PNPT1: variants seen among roughly 807,000 people sequenced by gnomAD.
The protein encoded by PNPT1 is polyribonucleotide nucleotidyltransferase 1, mitochondrial.
In PNPT1, 53 loss-of-function variants were observed where a neutral mutation model predicts 119.5. The observed-to-expected ratio is 0.44, with a 90% confidence interval of 0.36 to 0.56. The LOEUF is 0.56. PNPT1 is among the 20% of genes least tolerant of loss of function. The pLI, the probability that PNPT1 is intolerant of heterozygous loss-of-function variation, is 0.00. For synonymous variants in PNPT1, 357 were observed against 322.1 expected, an observed-to-expected ratio of 1.11 and a Z score of -1.16; for missense variants, 948 against 938.5, an observed-to-expected ratio of 1.01 and a Z score of -0.13.
rs1200091368 is a variant in PNPT1, at chr2:55,636,222, C to CT, written c.*14dup. The CT allele has an allele frequency of 1.3e-6, 2 of 1,541,634 alleles. No individual in the cohort carries two copies. Among genetic ancestry groups the CT allele is most frequent in the East Asian group, 2.2e-5 (1 of 44,586 alleles). On this transcript the variant is annotated 3_prime_UTR_variant, in exon 28 of 28. Transcript: ENST00000447944. ...AGACAAAATAGAATTCTAGAATTCTCTTTAAAAAAAAAAATCACTGAGAAT... is the reference window on the plus strand; with the variant it reads ...AGACAAAATAGAATTCTAGAATTCTCTTTTAAAAAAAAAAATCACTGAGAAT...
chr2:55,654,086 G>A (rs1432672520), intron 18 of PNPT1, among the ~76,000 whole-genome samples: 6 of 152,066 alleles, frequency 3.9e-5, no homozygotes, highest in South Asian at 4.2e-4. Context: ...GTGAAACCCC[G>A]TCTCGACTAA....
chr2:55,669,823 G>A (rs1696851094), intron 11 of PNPT1, among the ~76,000 whole-genome samples: 1 of 149,668 alleles, frequency 6.7e-6, no homozygotes, highest in African/African-American at 2.5e-5. Context: ...TGCAGTGGCG[G>A]TCTCAGCTCA....
rs541115141 is a variant in PNPT1 at position 55,641,547 on chromosome 2, T to A, written c.2070-842A>T. Among the ~76,000 whole-genome samples, 522 of 152,228 alleles carry A rather than the reference T, an allele frequency of 3.4e-3. 2 individuals carry two copies. Among genetic ancestry groups the A allele is most frequent in the South Asian group, 7.9e-3 (38 of 4,818 alleles). On this transcript the variant is annotated intron_variant, in intron 25 of 27. Transcript: ENST00000447944. ...ATTTTAAAAATAGTATAGAATCTCA[T>A]ATGATTAACCTGTAAGGTAAGGATT...
chr2:55,638,780 T>A (rs1422492234), intron 26 of PNPT1, among the ~76,000 whole-genome samples: 1 of 144,138 alleles, frequency 6.9e-6, no homozygotes, highest in Non-Finnish European at 1.5e-5. Flanking sequence ...TAAGGACATC[T>A]TTTTTTTTTT....
rs75290562 is a variant in PNPT1, at chr2:55,646,283, T to C, written c.1714A>G (p.Met572Val). ...CCTGAAGCTTGTTGAATAGCCTCCATCACAATTTTTATTGGTATTCCAGGT... is the reference window on the plus strand; with the variant it reads ...CCTGAAGCTTGTTGAATAGCCTCCACCACAATTTTTATTGGTATTCCAGGT... ...KLPGIPIKIV[M>V]EAIQQASVAK... Residue 572 changes from methionine (M) to valine (V), a missense_variant, in exon 21 of 28, where the codon ATG becomes GTG. Transcript: ENST00000447944. The C allele has an allele frequency of 1.9e-6, 3 of 1,613,344 alleles. No individual in the cohort carries two copies. The East Asian group carries it at 6.7e-5, about 36-fold the overall frequency.
At chr2:55,641,738 T>C (rs982121029) in intron 25 of PNPT1, among the ~76,000 whole-genome samples, 1 of 152,218 alleles carries the variant, frequency 6.6e-6, no homozygotes, top group African/African-American at 2.4e-5. Context: ...GCTTTGAACA[T>C]TTTTGCTACA....
rs1298114596 is a variant in PNPT1 at position 55,667,919 on chromosome 2, G to T, written c.1016C>A (p.Ser339Tyr). ...PEADPYEIIE[S>Y]FNVVAKEVFR... ...AACTTCCTTTGCAACAACATTGAAG[G>T]ATTCTATTATTTCATATGGATCGGC... Residue 339 changes from serine (S) to tyrosine (Y), a missense_variant, in exon 12 of 28, where the codon TCC (serine) becomes TAC (tyrosine). Transcript: ENST00000447944. The T allele has an allele frequency of 6.3e-7, 1 of 1,581,040 alleles. No individual in the cohort carries two copies. Among genetic ancestry groups the T allele is most frequent in the South Asian group, 1.2e-5 (1 of 85,084 alleles).
At chr2:55,656,493 A>T (rs1225808483) in intron 15 of PNPT1, 122 bp from the exon 16 acceptor site, 4 of 858,222 alleles carry the variant, frequency 4.7e-6, no homozygotes, top group Non-Finnish European at 7.1e-6. Flanking sequence ...TTTTTAAAAA[A>T]GTACATTCAT....
intron 22 of PNPT1, chr2:55,644,936 T>C: frequency 2.4e-6 from 1 of 410,926 alleles, no homozygotes; most frequent in Non-Finnish European, 4.3e-6. Flanking sequence ...ATTTAAAATA[T>C]TTTCGTTTTG....
intron 22 of PNPT1, 21 bp downstream of exon 22, chr2:55,645,328 A>G (rs750855318): frequency 5.8e-6 from 9 of 1,558,148 alleles, no homozygotes; most frequent in Non-Finnish European, 7.9e-6. Context: ...CCAGCCGATC[A>G]CTAAAATTTT....
intron 15 of PNPT1, among the ~76,000 whole-genome samples, chr2:55,657,893 A>C (rs1696438935): frequency 7.8e-6 from 1 of 128,984 alleles, no homozygotes; most frequent in Non-Finnish European, 1.6e-5. Context: ...AAAAAAAAAA[A>C]AAAAAAAAAA....
At chr2:55,644,908 C>A in intron 22 of PNPT1, 188 bp from the exon 23 acceptor site, 1 of 432,044 alleles carries the variant, frequency 2.3e-6, no homozygotes, top group Non-Finnish European at 4.0e-6. Flanking sequence ...AAATTTAAAG[C>A]ATTTTAACTA....
At chr2:55,640,578 T>A in intron 26 of PNPT1, 49 bp downstream of exon 26, 1 of 1,404,530 alleles carries the variant, frequency 7.1e-7, no homozygotes, top group Non-Finnish European at 1.0e-6. Flanking sequence ...TTCAATACAG[T>A]GTTTCAAGGC....
chr2:55,672,958 A>T lies in PNPT1; in HGVS notation c.801T>A (p.Gly267=). 6.2e-7 allele frequency: 1 copy of T among 1,613,648 alleles called. No individual in the cohort carries two copies. Among genetic ancestry groups the T allele is most frequent in the African/African-American group, 1.3e-5 (1 of 75,002 alleles). ...ACTTCTGAGGTGTCCTCTTGGTAAC[A>T]CCAGTTTCTTTTACCAACTGCTGAA... ...QGIQQLVKET[G]VTKRTPQKLF... The change falls in exon 9 of 28, where the codon GGT becomes GGA. Residue 267 remains glycine (G), a synonymous_variant. Coordinates refer to ENST00000447944, the MANE Select transcript of PNPT1 (RefSeq NM_033109.5).
intron 18 of PNPT1, among the ~76,000 whole-genome samples, chr2:55,650,709 C>T (rs1017188761): frequency 6.6e-6 from 1 of 151,102 alleles, no homozygotes; most frequent in Non-Finnish European, 1.5e-5. Context: ...AGCGTCTCTG[C>T]CCGGCCGCCC....
At chr2:55,664,473 G>C (rs1435121143) in intron 13 of PNPT1, among the ~76,000 whole-genome samples, 1 of 152,154 alleles carries the variant, frequency 6.6e-6, no homozygotes, top group Non-Finnish European at 1.5e-5. Context: ...AAAAAGTTGT[G>C]AGAAGTTATG....
At position 55,662,014 on chromosome 2, in the gene PNPT1, C is replaced by T. The variant is rs200016391; in HGVS notation, c.1189G>A (p.Val397Ile). The T allele has an allele frequency of 6.4e-5, 100 of 1,569,530 alleles. 1 individual carries two copies. The highest frequency in any genetic ancestry group is 3.4e-4 in the Middle Eastern group (2 of 5,918). ...CCAGATTCTAATGAATCAAATGTAA[C>T]GGTACAAAGCACCTAAAAAAGAAAA... Reference protein sequence around the residue: ...QRGQTQVLCTVTFDSLESGIK... With the variant: ...QRGQTQVLCTITFDSLESGIK... Residue 397 changes from valine to isoleucine, a missense_variant, in exon 14 of 28, where the codon GTT becomes ATT. Val to Ile is a conservative substitution (Grantham distance 29, BLOSUM62 3). Transcript: ENST00000447944.
chr2:55,636,620 G>A (rs530691684), intron 27 of PNPT1, among the ~76,000 whole-genome samples: 10 of 152,300 alleles, frequency 6.6e-5, no homozygotes, highest in Admixed American at 6.5e-4. Context: ...ATCTGCCGCT[G>A]AACTCATCTG....
chr2:55,683,545 T>C (rs979086569), intron 5 of PNPT1, among the ~76,000 whole-genome samples: 3 of 148,874 alleles, frequency 2.0e-5, no homozygotes, highest in Admixed American at 6.8e-5. Flanking sequence ...CCTGGGAGAT[T>C]GAGGTTGCAG....
Sources: allele counts gnomAD v4.1 joint callset (sites outside exome capture counted in the v4.1 genomes callset), GRCh38; gene constraint gnomAD v4.1.1; transcripts MANE v1.5; gene names NCBI Gene and HGNC (gene_info 2026-07-23, HGNC 2026-07-21).